Variants in HAUS1 observed in about 807,000 individuals in gnomAD.
HAUS1 encodes HAUS augmin like complex subunit 1.
In HAUS1, 25 loss-of-function variants were observed where a neutral mutation model predicts 38.6. The observed-to-expected ratio is 0.65, with a 90% CI of 0.47 to 0.91. HAUS1 has a LOEUF of 0.91. HAUS1 is among the 40% of genes least tolerant of loss of function. HAUS1 has a pLI of 0.00. For synonymous variants in HAUS1, 109 were observed against 112.9 expected, an observed-to-expected ratio of 0.97 and a Z score of 0.22; for missense variants, 325 against 328.4, an observed-to-expected ratio of 0.99 and a Z score of 0.08.
chr18:46,108,433 T>C (rs1208553155), intron 2 of HAUS1, among the ~76,000 whole-genome samples: 2 of 152,094 alleles, frequency 1.3e-5, no homozygotes, highest in African/African-American at 2.4e-5. Flanking sequence ...CAGCCACTCC[T>C]GGCCCACTCT....
intron 4 of HAUS1, among the ~76,000 whole-genome samples, chr18:46,120,298 G>A (rs1250244117): frequency 6.6e-6 from 1 of 150,784 alleles, no homozygotes; most frequent in Non-Finnish European, 1.5e-5. Flanking sequence ...ACAGTGGCAC[G>A]ATCTCAGCTC....
chr18:46,115,390 C>T (rs1255268373), intron 2 of HAUS1, among the ~76,000 whole-genome samples: 88 of 148,764 alleles, frequency 5.9e-4, no homozygotes, highest in Admixed American at 1.5e-3. Flanking sequence ...ACCTGGGAGG[C>T]AGAGGTTGCA....
intron 4 of HAUS1, among the ~76,000 whole-genome samples, 186 bp downstream of exon 4, chr18:46,120,246 T>C (rs1793819043): frequency 6.6e-6 from 1 of 152,122 alleles, no homozygotes; most frequent in Admixed American, 6.6e-5. Flanking sequence ...CAGCTTTTTT[T>C]TTTTTTGAAA....
chr18:46,120,617 G>A (rs369594182), intron 4 of HAUS1, among the ~76,000 whole-genome samples: 5 of 150,570 alleles, frequency 3.3e-5, no homozygotes, highest in East Asian at 2.0e-4. Flanking sequence ...ATGGAGTCTC[G>A]CTGAGACACC....
At chr18:46,112,979 T>C in intron 2 of HAUS1, among the ~76,000 whole-genome samples, 1 of 71,344 alleles carries the variant, frequency 1.4e-5, no homozygotes, top group East Asian at 3.0e-4. Flanking sequence ...TTCCATATTA[T>C]ATATATAATA....
chr18:46,104,994 T>C (rs1911419565), intron 1 of HAUS1, among the ~76,000 whole-genome samples, 200 bp from the exon 2 acceptor site: 1 of 152,146 alleles, frequency 6.6e-6, no homozygotes, highest in Non-Finnish European at 1.5e-5. Flanking sequence ...TTTTCAGTAT[T>C]GTACGTTTCT....
chr18:46,108,229 G>C (rs1262709948), intron 2 of HAUS1, among the ~76,000 whole-genome samples: 3 of 150,444 alleles, frequency 2.0e-5, no homozygotes, highest in Admixed American at 2.0e-4. Context: ...TTAGCTGTGG[G>C]ATTTTTGTAG....
intron 1 of HAUS1, among the ~76,000 whole-genome samples, chr18:46,104,751 G>C (rs1431091678): frequency 4.8e-5 from 7 of 145,838 alleles, no homozygotes; most frequent in Non-Finnish European, 1.1e-4. Flanking sequence ...TGCTCAGCCC[G>C]GCGGCTTCCA....
At chr18:46,120,169 GAT>G in intron 4 of HAUS1, 109 bp downstream of exon 4, 1 of 704,630 alleles carries the variant, frequency 1.4e-6, no homozygotes, top group Non-Finnish European at 2.3e-6. Context: ...TAGGAAATGG[GAT>G]CCATAAAACA....
At chr18:46,116,860 A>G (rs1342396460) in intron 2 of HAUS1, among the ~76,000 whole-genome samples, 1 of 152,024 alleles carries the variant, frequency 6.6e-6, no homozygotes, top group Non-Finnish European at 1.5e-5. Context: ...AAAAAAATAC[A>G]AAAATTAGCC....
At chr18:46,112,876 TATA>T (rs1349963811) in intron 2 of HAUS1, among the ~76,000 whole-genome samples, 2 of 107,856 alleles carry the variant, frequency 1.9e-5, no homozygotes, top group Non-Finnish European at 3.3e-5. Context: ...ATATAATATA[TATA>T]ATGTGTATAT....
At chr18:46,118,411 C>A in intron 3 of HAUS1, 95 bp downstream of exon 3, 3 of 1,186,268 alleles carry the variant, frequency 2.5e-6, no homozygotes, top group South Asian at 1.4e-5. Context: ...GAAAAATTGG[C>A]AATAAATACA....
chr18:46,126,454 G>T lies in HAUS1; in HGVS notation c.786+663G>T, dbSNP rs1347353648. 9.2e-5 allele frequency among the ~76,000 whole-genome samples: 14 copies of T among 152,258 alleles called. No individual in the cohort carries two copies. In the South Asian group the frequency reaches 2.9e-3, roughly 32 times the overall value. On this transcript the variant is annotated intron_variant, in intron 8 of 8. Transcript: ENST00000282058. ...AAGCTGTAGCAAGTGATAAAGTCCG[G>T]CTGCTTAGAAACATGAAATGTAAGA...
chr18:46,123,106 G>A, intron 5 of HAUS1, 193 bp from the exon 6 acceptor site: 2 of 506,484 alleles, frequency 3.9e-6, no homozygotes, highest in Admixed American at 3.5e-5. Flanking sequence ...AGCTACTCAG[G>A]AGGCTGAGGC....
chr18:46,120,034 T>A lies in HAUS1; in HGVS notation c.450T>A (p.Thr150=). 6.2e-7 allele frequency: 1 copy of A among 1,602,264 alleles called. No individual in the cohort carries two copies. The highest frequency in any genetic ancestry group is 8.5e-7 in the Non-Finnish European group (1 of 1,172,482). Residue 150 remains threonine, a synonymous_variant, in exon 4 of 9, where the codon ACT becomes ACA. Coordinates refer to ENST00000282058, the MANE Select transcript of HAUS1 (RefSeq NM_138443.4). ...AACTTGAAAAAAATTTAACTGCAAC[T>A]TTAGTATTAGAAAAATGTCTACAAG... is the stretch of plus-strand genomic sequence containing the variant. ...LEKLEKNLTA[T]LVLEKCLQED...
Position 46,105,146 on chromosome 18 carries a change from A to G in HAUS1, c.31-48A>G, listed in dbSNP as rs987602053. 5.8e-6 allele frequency: 8 copies of G among 1,391,240 alleles called. No individual in the cohort carries two copies. The African/African-American group carries it at 8.6e-5, about 15-fold the overall frequency. 86.2% of individuals were successfully genotyped at this position (1,391,240 alleles called of 1,614,324 possible). On this transcript the variant is annotated intron_variant, in intron 1 of 8. Transcript: ENST00000282058. ...TTCTTTGTCATATTCTCATCGAGCCATTACAGTAAACAAGGCTTATAATAT... is the reference window on the plus strand; with the variant it reads ...TTCTTTGTCATATTCTCATCGAGCCGTTACAGTAAACAAGGCTTATAATAT...
chr18:46,123,353 G>A lies in HAUS1; in HGVS notation c.655G>A (p.Ala219Thr), dbSNP rs1912005458. Residue 219 changes from alanine to threonine, a missense_variant, in exon 6 of 9, where the codon GCA (alanine) becomes ACA (threonine). Coordinates refer to ENST00000282058, the MANE Select transcript of HAUS1 (RefSeq NM_138443.4). ...DASLSHQSLV[A>T]LSEKLARLKQ... ...TTCTCTGTCTCATCAGTCCTTAGTA[G>A]CACTATCAGAGGTGAGCTTATTTTA... 2 of 1,607,630 alleles carry A rather than the reference G, an allele frequency of 1.2e-6. No homozygotes were observed. Among genetic ancestry groups the A allele is most frequent in the African/African-American group, 1.3e-5 (1 of 74,696 alleles).
intron 2 of HAUS1, 136 bp from the exon 3 acceptor site, chr18:46,118,044 GA>G (rs1911841408): frequency 1.4e-6 from 1 of 711,222 alleles, no homozygotes; most frequent in Admixed American, 2.5e-5. Flanking sequence ...TACTGATGGG[GA>G]TACAACTAAA....
At chr18:46,105,433 G>C in intron 2 of HAUS1, 65 bp downstream of exon 2, 1 of 1,362,722 alleles carries the variant, frequency 7.3e-7, no homozygotes, top group Non-Finnish European at 1.0e-6. Flanking sequence ...TAACACTAAA[G>C]TATACAGGAT....
Sources: gnomAD v4.1 joint callset for allele counts (sites outside exome capture counted in the v4.1 genomes callset) on GRCh38, gnomAD v4.1.1 for gene constraint, MANE v1.5 for transcripts, NCBI Gene and HGNC (gene_info 2026-07-23, HGNC 2026-07-21) for gene names.